The following ZNF503 variants were observed in gnomAD, a reference collection of about 807,000 sequenced individuals.
The protein encoded by ZNF503 is NocA-like zinc finger 2.
A neutral mutation model predicts 34.4 loss-of-function variants in ZNF503; 15 were observed. The observed-to-expected ratio is 0.44, with a 90% CI of 0.29 to 0.67. ZNF503 has a LOEUF of 0.67. ZNF503 is among the 30% of genes least tolerant of loss of function. The probability of loss-of-function intolerance (pLI) is 0.13; values close to 1 mark genes in which losing one functional copy is unlikely to be tolerated. For synonymous variants in ZNF503, 580 were observed against 456.8 expected (o/e 1.27, Z -3.44); for missense variants, 1,007 against 926.8 (o/e 1.09, Z -1.12).
At chr10:75,378,537 C>T in the ZNF503 span, among the ~76,000 whole-genome samples, 1 of 151,970 alleles carries the variant, frequency 6.6e-6, no homozygotes, top group Non-Finnish European at 1.5e-5. Context: ...TCCCTCAGCC[C>T]AGGCAGCAGT....
chr10:75,283,030 T>C, the ZNF503 span, among the ~76,000 whole-genome samples: 1 of 152,216 alleles, frequency 6.6e-6, no homozygotes, highest in African/African-American at 2.4e-5. Flanking sequence ...TTAAATTAAG[T>C]GTCAAATATA....
the ZNF503 span, among the ~76,000 whole-genome samples, chr10:75,337,585 T>C: frequency 6.6e-6 from 1 of 150,546 alleles, no homozygotes; most frequent in Non-Finnish European, 1.5e-5. Context: ...GCCACTGCCC[T>C]CCAGCCTGGG....
chr10:75,399,482 C>A lies in ZNF503; in HGVS notation c.1208G>T (p.Gly403Val). The A allele has an allele frequency of 6.3e-7, 1 of 1,575,456 alleles. No individual in the cohort carries two copies. Among genetic ancestry groups the A allele is most frequent in the African/African-American group, 1.3e-5 (1 of 74,340 alleles). The change falls in exon 2 of 2, where the codon GGC becomes GTC. Residue 403 changes from glycine (G) to valine (V), a missense_variant. Coordinates refer to ENST00000372524, the MANE Select transcript of ZNF503 (RefSeq NM_032772.6). ...QLAAAAAGSL[G>V]CSKPAGSSPL... ...GCTGGAGCCGGCCGGCTTACTGCAGCCCAGAGACCCGGCCGCGGCCGCCGC... is the reference window on the plus strand; with the variant it reads ...GCTGGAGCCGGCCGGCTTACTGCAGACCAGAGACCCGGCCGCGGCCGCCGC...
At chr10:75,361,445 C>G in the ZNF503 span, 1 of 152,256 alleles carries the variant, frequency 6.6e-6, no homozygotes, top group Admixed American at 6.5e-5. Context: ...CATTCAGAAA[C>G]CAATGTGAAT....
At chr10:75,379,630 C>G in the ZNF503 span, among the ~76,000 whole-genome samples, 7 of 152,170 alleles carry the variant, frequency 4.6e-5, no homozygotes, top group Non-Finnish European at 8.8e-5. Flanking sequence ...ATACATTAGG[C>G]GGATCTTCAG....
the ZNF503 span, among the ~76,000 whole-genome samples, chr10:75,374,417 A>G: frequency 6.6e-6 from 1 of 152,180 alleles, no homozygotes; most frequent in Non-Finnish European, 1.5e-5. Context: ...TTCTCCAGCC[A>G]CATCAGCCTC....
the ZNF503 span, among the ~76,000 whole-genome samples, chr10:75,380,172 C>T: frequency 2.6e-5 from 4 of 152,196 alleles, no homozygotes; most frequent in Non-Finnish European, 5.9e-5. Flanking sequence ...GGGCTACTTA[C>T]CCCTTGGAAG....
At chr10:75,290,918 C>T in the ZNF503 span, among the ~76,000 whole-genome samples, 1 of 152,294 alleles carries the variant, frequency 6.6e-6, no homozygotes, top group East Asian at 1.9e-4. Context: ...ACAAAGGGAC[C>T]ATTTCAATTG....
the ZNF503 span, among the ~76,000 whole-genome samples, chr10:75,365,389 G>A: frequency 5.3e-5 from 8 of 152,124 alleles, no homozygotes; most frequent in African/African-American, 1.4e-4. Context: ...CTTGTGATCC[G>A]CCTGCCTTGG....
At chr10:75,368,510 C>T in the ZNF503 span, among the ~76,000 whole-genome samples, 6 of 152,284 alleles carry the variant, frequency 3.9e-5, no homozygotes, top group African/African-American at 1.4e-4. Flanking sequence ...TCTGGGCTTC[C>T]TGGAGGCCAA....
chr10:75,282,835 G>A, the ZNF503 span, among the ~76,000 whole-genome samples: 1 of 152,146 alleles, frequency 6.6e-6, no homozygotes, highest in African/African-American at 2.4e-5. Flanking sequence ...ATAGGGTTGT[G>A]GGAAGGAAGT....
At chr10:75,363,081 T>TACATACACAC in the ZNF503 span, among the ~76,000 whole-genome samples, 3 of 148,660 alleles carry the variant, frequency 2.0e-5, no homozygotes, top group African/African-American at 7.4e-5. Context: ...CATGCATGCA[T>TACATACACAC]ACACACACAC....
the ZNF503 span, among the ~76,000 whole-genome samples, chr10:75,341,528 A>G: frequency 3.9e-5 from 6 of 152,232 alleles, no homozygotes; most frequent in East Asian, 1.9e-4. Context: ...AGAGACTTTA[A>G]TTACTGATAT....
the ZNF503 span, among the ~76,000 whole-genome samples, chr10:75,289,691 T>G: frequency 6.6e-6 from 1 of 152,072 alleles, no homozygotes; most frequent in Non-Finnish European, 1.5e-5. Flanking sequence ...GTTCAAGTAA[T>G]TCTCCTGTCT....
At chr10:75,318,618 G>A in the ZNF503 span, among the ~76,000 whole-genome samples, 10 of 144,724 alleles carry the variant, frequency 6.9e-5, no homozygotes, top group African/African-American at 2.6e-4. Flanking sequence ...GCAGTGAGCT[G>A]TTATTGTGCC....
At chr10:75,383,701 G>T in the ZNF503 span, among the ~76,000 whole-genome samples, 1 of 152,172 alleles carries the variant, frequency 6.6e-6, no homozygotes, top group Non-Finnish European at 1.5e-5. Context: ...TTCTTACTCC[G>T]CCATTTCATT....
At chr10:75,307,517 C>A in the ZNF503 span, among the ~76,000 whole-genome samples, 1 of 152,210 alleles carries the variant, frequency 6.6e-6, no homozygotes, top group Non-Finnish European at 1.5e-5. Context: ...AAGTGCTGAT[C>A]AAGAAATTGC....
At chr10:75,318,030 T>C in the ZNF503 span, among the ~76,000 whole-genome samples, 1 of 152,092 alleles carries the variant, frequency 6.6e-6, no homozygotes, top group Non-Finnish European at 1.5e-5. Flanking sequence ...CATACATAAA[T>C]CTTTTATACT....
chr10:75,327,648 A>G, the ZNF503 span, among the ~76,000 whole-genome samples: 1 of 152,226 alleles, frequency 6.6e-6, no homozygotes, highest in South Asian at 2.1e-4. Flanking sequence ...TGGTAGTTCT[A>G]TTTGTAGTTT....
Sources: allele counts gnomAD v4.1 joint callset (sites outside exome capture counted in the v4.1 genomes callset), GRCh38; gene constraint gnomAD v4.1.1; transcripts MANE v1.5; gene names NCBI Gene and HGNC (gene_info 2026-07-23, HGNC 2026-07-21).